The following CRYBA1 variants were observed in gnomAD, a reference collection of about 807,000 sequenced individuals.
CRYBA1 encodes crystallin beta A1.
CRYBA1 carries 25 observed loss-of-function variants against 36.2 expected under a neutral mutation model. The observed-to-expected ratio is 0.69, with a 90% CI of 0.50 to 0.97. CRYBA1 has a LOEUF of 0.97. CRYBA1 is among the 50% of genes least tolerant of loss of function. The probability of loss-of-function intolerance (pLI) is 0.00; values close to 1 mark genes in which losing one functional copy is unlikely to be tolerated. For synonymous variants in CRYBA1, 111 were observed against 90.0 expected, an observed-to-expected ratio of 1.23 and a Z score of -1.32; for missense variants, 224 against 276.3, an observed-to-expected ratio of 0.81 and a Z score of 1.34.
intron 4 of CRYBA1, among the ~76,000 whole-genome samples, chr17:29,253,330 T>C (rs1034091030): frequency 7.2e-5 from 11 of 152,238 alleles, no homozygotes; most frequent in African/African-American, 2.4e-4. Flanking sequence ...ATCTGTGAGA[T>C]CTTTTTTCAC....
intron 1 of CRYBA1, among the ~76,000 whole-genome samples, chr17:29,248,083 T>C (rs1405504292): frequency 6.7e-6 from 1 of 149,554 alleles, no homozygotes; most frequent in Non-Finnish European, 1.5e-5. Context: ...GCCATTGCAC[T>C]CCAGCCTGGG....
At chr17:29,247,333 C>T (rs1472474072) in intron 1 of CRYBA1, among the ~76,000 whole-genome samples, 1 of 152,216 alleles carries the variant, frequency 6.6e-6, no homozygotes, top group East Asian at 1.9e-4. Context: ...CTTTTCCTTC[C>T]TCTTTCTTGC....
intron 1 of CRYBA1, among the ~76,000 whole-genome samples, chr17:29,248,383 G>A (rs527311169): frequency 9.7e-6 from 1 of 103,416 alleles, no homozygotes; most frequent in Non-Finnish European, 2.0e-5. Context: ...TTTTTTTTTT[G>A]AGATGGAGTC....
rs2153009717 is a variant in CRYBA1 at position 29,253,824 on chromosome 17, C to G, written c.500+42C>G. On this transcript the variant is annotated intron_variant, in intron 5 of 5. Transcript: ENST00000225387. ...GGTTGGAATATACTTCAAAGTAACT[C>G]CTGAGGTTGCATCAATAGTTATGTT... 1.9e-6 allele frequency: 3 copies of G among 1,607,754 alleles called. 1 individual carries two copies. The Middle Eastern group carries it at 5.0e-4, about 266-fold the overall frequency.
chr17:29,250,349 C>CTG, intron 3 of CRYBA1, 49 bp downstream of exon 3: 1 of 1,035,734 alleles, frequency 9.7e-7, no homozygotes, highest in Non-Finnish European at 1.5e-6. Context: ...CAGGTCCCTT[C>CTG]AGACAGGGGA....
rs2068926757 is a variant in CRYBA1 at position 29,250,173 on chromosome 17, T to G, written c.97-9T>G. 1 of 1,474,460 alleles carries G rather than the reference T, an allele frequency of 6.8e-7. No individual in the cohort carries two copies. The highest frequency in any genetic ancestry group is 1.4e-5 in the African/African-American group (1 of 72,212). The allele number at this position is 1,474,460 out of a possible 1,614,324, so 91.3% of individuals were successfully genotyped here. On this transcript the variant is annotated splice_polypyrimidine_tract_variant and intron_variant, in intron 2 of 5. Transcript: ENST00000225387. Reference sequence around the variant, plus strand: ...TCTAGCTCTCTTGCGCCATTCAATCTCATTTCAGATAACCATCTATGATCA... The same window carrying G: ...TCTAGCTCTCTTGCGCCATTCAATCGCATTTCAGATAACCATCTATGATCA...
intron 2 of CRYBA1, 102 bp from the exon 3 acceptor site, chr17:29,250,080 T>A: frequency 1.3e-6 from 1 of 788,098 alleles, no homozygotes. Flanking sequence ...AGGCTACAGC[T>A]GGTAACAGAA....
At chr17:29,250,696 A>G (rs2068930681) in intron 3 of CRYBA1, among the ~76,000 whole-genome samples, 1 of 151,770 alleles carries the variant, frequency 6.6e-6, no homozygotes, top group Non-Finnish European at 1.5e-5. Context: ...TTCATGGCTA[A>G]CTCTCCTCCT....
In CRYBA1 at chr17:29,251,232, G is replaced by T. The variant is rs548968472; in HGVS notation, c.216-832G>T. On this transcript the variant is annotated intron_variant, in intron 3 of 5. Coordinates refer to ENST00000225387, the MANE Select transcript of CRYBA1 (RefSeq NM_005208.5). ...CTTGAGCCAAAGCAATAGTCCAGGG[G>T]TGTCTAATCTTTTTGGCTTCCCTAG... is the stretch of plus-strand genomic sequence containing the variant. 2.6e-5 allele frequency among the ~76,000 whole-genome samples: 4 copies of T among 152,288 alleles called. No individual in the cohort carries two copies. In the East Asian group the frequency reaches 5.8e-4, roughly 22 times the overall value.
Position 29,252,188 on chromosome 17 carries a change from C to G in CRYBA1, c.340C>G (p.Arg114Gly). Reference protein sequence around the residue: ...AYHIERLMSFRPICSANHKES... With the variant: ...AYHIERLMSFGPICSANHKES... ...CCACATTGAGCGTCTCATGTCCTTC[C>G]GCCCCATCTGTTCAGCTGTGAGTCT... Residue 114 changes from arginine to glycine, a missense_variant, in exon 4 of 6, where the codon CGC (arginine) becomes GGC (glycine). Arg to Gly is a moderately radical substitution (Grantham distance 125, BLOSUM62 -2). Coordinates refer to ENST00000225387, the MANE Select transcript of CRYBA1 (RefSeq NM_005208.5). The G allele has an allele frequency of 1.2e-6, 2 of 1,614,122 alleles. No individual in the cohort carries two copies. Among genetic ancestry groups the G allele is most frequent in the Non-Finnish European group, 1.7e-6 (2 of 1,180,028 alleles).
chr17:29,252,952 C>T (rs2068945084), intron 4 of CRYBA1, among the ~76,000 whole-genome samples: 1 of 152,188 alleles, frequency 6.6e-6, no homozygotes, highest in South Asian at 2.1e-4. Context: ...GAAATTATTT[C>T]AATCTCACTT....
chr17:29,250,392 C>T, intron 3 of CRYBA1, 92 bp downstream of exon 3: 1 of 806,774 alleles, frequency 1.2e-6, no homozygotes, highest in Non-Finnish European at 2.2e-6. Flanking sequence ...GAAGGATGTT[C>T]CCCTAGGCTC....
Position 29,254,245 on chromosome 17 carries a change from A to G in CRYBA1, c.544A>G (p.Ile182Val). The change falls in exon 6 of 6, where the codon ATC (isoleucine) becomes GTC (valine). Residue 182 changes from isoleucine (I) to valine (V), a missense_variant. Physicochemically the swap from Ile to Val is conservative, Grantham distance 29. Coordinates refer to ENST00000225387, the MANE Select transcript of CRYBA1 (RefSeq NM_005208.5). ...QYPGYRGYQY[I>V]LECDHHGGDY... ...TCCTGGATATCGTGGGTATCAGTATATCTTGGAATGTGACCATCATGGAGG... is the reference window on the plus strand; with the variant it reads ...TCCTGGATATCGTGGGTATCAGTATGTCTTGGAATGTGACCATCATGGAGG... 2 of 1,614,206 alleles carry G rather than the reference A, an allele frequency of 1.2e-6. No individual in the cohort carries two copies. The highest frequency in any genetic ancestry group is 1.7e-6 in the Non-Finnish European group (2 of 1,180,034).
chr17:29,254,277 T>C lies in CRYBA1; in HGVS notation c.576T>C (p.Tyr192=), dbSNP rs765256191. The C allele has an allele frequency of 1.9e-6, 3 of 1,614,202 alleles. No homozygotes were observed. Among genetic ancestry groups the C allele is most frequent in the Admixed American group, 1.7e-5 (1 of 60,028 alleles). The change falls in exon 6 of 6, where the codon TAT becomes TAC. Residue 192 remains tyrosine, a synonymous_variant. Transcript: ENST00000225387. The part of the protein sequence containing the change: ...ILECDHHGGD[Y]KHWREWGSHA... The stretch of plus-strand genomic sequence containing the variant: ...AATGTGACCATCATGGAGGAGACTA[T>C]AAACATTGGAGAGAGTGGGGCTCTC...
intron 2 of CRYBA1, 66 bp from the exon 3 acceptor site, chr17:29,250,116 C>T (rs1711721878): frequency 1.1e-6 from 1 of 894,824 alleles, no homozygotes; most frequent in African/African-American, 1.6e-5. Flanking sequence ...TGAAGTTAAG[C>T]TGTTGACCTG....
chr17:29,250,736 ATTTC>A (rs752633575), intron 3 of CRYBA1, among the ~76,000 whole-genome samples: 20 of 151,966 alleles, frequency 1.3e-4, no homozygotes, highest in South Asian at 1.0e-3. Context: ...CTGTTAGCTA[ATTTC>A]TTTATGAAAA....
At position 29,254,483 on chromosome 17, in the gene CRYBA1, A is replaced by T. The variant is rs77110055; in HGVS notation, c.*134A>T. 1.8e-4 allele frequency: 88 copies of T among 491,110 alleles called. No homozygotes were observed. Among genetic ancestry groups the T allele is most frequent in the African/African-American group, 1.1e-3 (46 of 43,682 alleles). 30.4% of individuals were successfully genotyped at this position (491,110 alleles called of 1,614,324 possible). A position where few individuals can be genotyped will look rare whatever the true frequency, so the allele number is the denominator to read the frequency against. On this transcript the variant is annotated 3_prime_UTR_variant, in exon 6 of 6. Coordinates refer to ENST00000225387, the MANE Select transcript of CRYBA1 (RefSeq NM_005208.5). ...CTGAAATCCACAATAAACGTCATTT[A>T]AAAAAAAAAAACTTTGTAGACTGAA... is the stretch of plus-strand genomic sequence containing the variant.
At position 29,254,182 on chromosome 17, in the gene CRYBA1, A is replaced by G. The variant is rs755775545; in HGVS notation, c.501-20A>G. 2.5e-6 allele frequency: 4 copies of G among 1,613,800 alleles called. No individual in the cohort carries two copies. Among genetic ancestry groups the G allele is most frequent in the African/African-American group, 1.3e-5 (1 of 75,064 alleles). On this transcript the variant is annotated intron_variant, in intron 5 of 5. Coordinates refer to ENST00000225387, the MANE Select transcript of CRYBA1 (RefSeq NM_005208.5). The stretch of plus-strand genomic sequence containing the variant: ...ATTCCTAATTAGTTTTAATAATGAA[A>G]TGTACTTTGAATTTCCTAGCTGGGT...
intron 4 of CRYBA1, 77 bp from the exon 5 acceptor site, chr17:29,253,563 T>G (rs1432048297): frequency 1.6e-6 from 2 of 1,256,968 alleles, no homozygotes; most frequent in Non-Finnish European, 2.3e-6. Flanking sequence ...TCCAAAAGTG[T>G]TTCAATTTTG....
Sources: gnomAD v4.1 joint callset for allele counts (sites outside exome capture counted in the v4.1 genomes callset) on GRCh38, gnomAD v4.1.1 for gene constraint, MANE v1.5 for transcripts, NCBI Gene and HGNC (gene_info 2026-07-23, HGNC 2026-07-21) for gene names.